SCN9A: variants seen among roughly 807,000 people sequenced by gnomAD.
SCN9A encodes sodium voltage-gated channel alpha subunit 9, also known as sodium channel protein type 9 subunit alpha.
In SCN9A, 131 loss-of-function variants were observed where a neutral mutation model predicts 187.0. That is an observed-to-expected ratio of 0.70 (90% CI 0.61 to 0.81). SCN9A has a LOEUF of 0.81. Ranked by LOEUF, SCN9A falls within the 30% of genes least tolerant of loss-of-function variation. The pLI is 0.00. For synonymous variants in SCN9A, 809 were observed against 808.6 expected, an observed-to-expected ratio of 1.00 and a Z score of -0.01; for missense variants, 2,252 against 2,396.6, an observed-to-expected ratio of 0.94 and a Z score of 1.26.
intron 19 of SCN9A, among the ~76,000 whole-genome samples, chr2:166,241,941 T>G (rs1034521469): frequency 7.9e-5 from 12 of 152,098 alleles, no homozygotes; most frequent in African/African-American, 2.9e-4. Flanking sequence ...AAAACATTAC[T>G]CCAAGAATTA....
chr2:166,252,519 C>A (rs1259331768), intron 17 of SCN9A, among the ~76,000 whole-genome samples: 1 of 151,844 alleles, frequency 6.6e-6, no homozygotes, highest in Non-Finnish European at 1.5e-5. Context: ...ACCATACCAA[C>A]ACCACCCATT....
intron 1 of SCN9A, among the ~76,000 whole-genome samples, chr2:166,332,411 C>T (rs917543268): frequency 6.6e-6 from 1 of 152,154 alleles, no homozygotes; most frequent in Non-Finnish European, 1.5e-5. Context: ...AATATCTTTG[C>T]TTAATATGAG....
At chr2:166,338,342 A>AT (rs796879015) in intron 1 of SCN9A, among the ~76,000 whole-genome samples, 18 of 151,098 alleles carry the variant, frequency 1.2e-4, no homozygotes, top group South Asian at 6.3e-4. Context: ...TTTAGGGCTT[A>AT]TTTTTTTTTC....
At chr2:166,281,909 A>G (rs1158785270) in intron 12 of SCN9A, 101 bp from the exon 13 acceptor site, 3 of 1,091,906 alleles carry the variant, frequency 2.7e-6, no homozygotes, top group Non-Finnish European at 3.9e-6. Flanking sequence ...AATTAAAAGT[A>G]GAGCCTAGAT....
At chr2:166,200,042 G>T (rs1693426907) in intron 26 of SCN9A, among the ~76,000 whole-genome samples, 178 bp from the exon 27 acceptor site, 1 of 109,302 alleles carries the variant, frequency 9.1e-6, no homozygotes, top group Admixed American at 1.1e-4. Flanking sequence ...CTGTCGCCCA[G>T]GCTGGAGTGC....
Position 166,213,700 on chromosome 2 carries a change from GA to G in SCN9A, c.4399-9237del, listed in dbSNP as rs376519074. ...GCCAGACAAAGACACTGTAAGAAAAGAAAATTACAGCTTTTGAAGGAAGTGA... is the reference window on the plus strand; with the variant it reads ...GCCAGACAAAGACACTGTAAGAAAAGAAATTACAGCTTTTGAAGGAAGTGA... On this transcript the variant is annotated intron_variant, in intron 24 of 26. Coordinates refer to ENST00000642356, the MANE Select transcript of SCN9A (RefSeq NM_001365536.1). Among the ~76,000 whole-genome samples, 36 of 152,230 alleles carry G rather than the reference GA, an allele frequency of 2.4e-4. No homozygotes were observed. The East Asian group carries it at 3.9e-3, about 16-fold the overall frequency.
chr2:166,227,642 GT>G, intron 23 of SCN9A, 27 bp downstream of exon 23: 1 of 1,292,418 alleles, frequency 7.7e-7, no homozygotes, highest in Non-Finnish European at 1.1e-6. Context: ...TAAAAATAAA[GT>G]TTAGTGCTAA....
At chr2:166,332,158 T>G (rs1205462999) in intron 1 of SCN9A, among the ~76,000 whole-genome samples, 1 of 152,166 alleles carries the variant, frequency 6.6e-6, no homozygotes, top group Non-Finnish European at 1.5e-5. Flanking sequence ...AAGATTTTAT[T>G]GAAATTCCCT....
At chr2:166,326,287 C>T (rs781467412) in intron 1 of SCN9A, among the ~76,000 whole-genome samples, 10 of 152,076 alleles carry the variant, frequency 6.6e-5, no homozygotes, top group East Asian at 1.9e-4. Context: ...GTCAAAGGTG[C>T]GAAACGATTG....
chr2:166,367,574 C>T (rs1700449084), intron 1 of SCN9A, among the ~76,000 whole-genome samples: 1 of 151,990 alleles, frequency 6.6e-6, no homozygotes, highest in African/African-American at 2.4e-5. Flanking sequence ...CCACCCTAGA[C>T]ATTTTATACA....
intron 7 of SCN9A, 110 bp from the exon 8 acceptor site, chr2:166,294,772 T>G: frequency 2.2e-5 from 13 of 584,964 alleles, no homozygotes; most frequent in Non-Finnish European, 3.8e-5. Flanking sequence ...TCAGGCCTGG[T>G]CCCAGGCAAT....
chr2:166,370,389 A>G (rs868389443), intron 1 of SCN9A, among the ~76,000 whole-genome samples: 21 of 151,306 alleles, frequency 1.4e-4, no homozygotes, highest in Non-Finnish European at 2.5e-4. Flanking sequence ...TAAAAATACA[A>G]AAACATTAGC....
intron 1 of SCN9A, among the ~76,000 whole-genome samples, chr2:166,360,265 A>T (rs1700251702): frequency 1.3e-5 from 2 of 150,854 alleles, no homozygotes; most frequent in Non-Finnish European, 2.9e-5. Context: ...TAAAGTTTAT[A>T]ATCTTAAGAA....
chr2:166,280,751 T>G (rs13007020), intron 13 of SCN9A, among the ~76,000 whole-genome samples, 156 bp from the exon 14 acceptor site: 2 of 152,126 alleles, frequency 1.3e-5, no homozygotes, highest in Non-Finnish European at 2.9e-5. Context: ...TAGCCTCTTA[T>G]GTAAGTCTAT....
At chr2:166,207,186 A>G (rs1693847407) in intron 24 of SCN9A, among the ~76,000 whole-genome samples, 1 of 152,218 alleles carries the variant, frequency 6.6e-6, no homozygotes, top group Admixed American at 6.5e-5. Flanking sequence ...CATATAATTA[A>G]GAATTTATTT....
chr2:166,235,873 T>C (rs1695296829), intron 20 of SCN9A, among the ~76,000 whole-genome samples: 1 of 152,138 alleles, frequency 6.6e-6, no homozygotes, highest in Non-Finnish European at 1.5e-5. Context: ...AACAGGAGGT[T>C]ATACTCACTG....
rs201880500 is a variant in SCN9A, at chr2:166,227,719, G to T, written c.4211C>A (p.Thr1404Asn). ...CATAATAATCGTCCATCCCTTAAAA[G>T]TTGCCTTTAAGAATAACATTAATAG... is the stretch of plus-strand genomic sequence containing the variant. ...LGYLSLLQVATFKGWTIIMYA... is the reference protein window; with the variant it reads ...LGYLSLLQVANFKGWTIIMYA... Residue 1404 changes from threonine to asparagine, a missense_variant, in exon 23 of 27, where the codon ACT becomes AAT. Thr to Asn is a moderately conservative substitution (Grantham distance 65, BLOSUM62 0). Transcript: ENST00000642356. 2.0e-6 allele frequency: 3 copies of T among 1,494,280 alleles called. No homozygotes were observed. The highest frequency in any genetic ancestry group is 1.4e-5 in the African/African-American group (1 of 72,210). 92.6% of individuals were successfully genotyped at this position (1,494,280 alleles called of 1,614,324 possible).
intron 1 of SCN9A, among the ~76,000 whole-genome samples, chr2:166,357,503 A>G (rs1392850681): frequency 6.6e-6 from 1 of 152,116 alleles, no homozygotes; most frequent in African/African-American, 2.4e-5. Flanking sequence ...GCATCATTAT[A>G]ATCTCATTTT....
intron 1 of SCN9A, among the ~76,000 whole-genome samples, chr2:166,317,363 T>G (rs1288195018): frequency 6.6e-6 from 1 of 152,158 alleles, no homozygotes; most frequent in Non-Finnish European, 1.5e-5. Flanking sequence ...TTAACATTAC[T>G]ATGATTGTAT....
Sources: allele counts gnomAD v4.1 joint callset (sites outside exome capture counted in the v4.1 genomes callset), GRCh38; gene constraint gnomAD v4.1.1; transcripts MANE v1.5; gene names NCBI Gene and HGNC (gene_info 2026-07-23, HGNC 2026-07-21).